GLI3: variants seen among roughly 807,000 people sequenced by gnomAD.
GLI3 encodes GLI family zinc finger 3.
Under a neutral mutation model 100.8 loss-of-function variants are expected in GLI3, and 20 were observed. The observed-to-expected ratio is 0.20, with a 90% CI of 0.14 to 0.29. The LOEUF (loss-of-function observed/expected upper bound fraction) is 0.29, where lower values mean the gene tolerates loss of function less well. Ranked by LOEUF, GLI3 falls within the 10% of genes least tolerant of loss-of-function variation. The pLI is 1.00. For synonymous variants in GLI3, 938 were observed against 860.5 expected (o/e 1.09, Z -1.58); for missense variants, 2,040 against 2,128.5 (o/e 0.96, Z 0.82).
chr7:42,123,518 T>G (rs1305696161), intron 3 of GLI3, among the ~76,000 whole-genome samples: 1 of 152,252 alleles, frequency 6.6e-6, no homozygotes, highest in Non-Finnish European at 1.5e-5. Context: ...ATTATACAAA[T>G]TATCCTTACT....
chr7:42,253,009 C>T (rs538291480), intron 1 of GLI3, among the ~76,000 whole-genome samples: 38 of 148,764 alleles, frequency 2.6e-4, no homozygotes, highest in African/African-American at 7.0e-4. Flanking sequence ...AAGGTGGAAA[C>T]GAGAAAGGAT....
chr7:42,017,790 C>T (rs1160092018), intron 10 of GLI3, among the ~76,000 whole-genome samples: 1 of 152,170 alleles, frequency 6.6e-6, no homozygotes, highest in Non-Finnish European at 1.5e-5. Context: ...CCGACAGTGC[C>T]ACCGCATTCT....
intron 3 of GLI3, among the ~76,000 whole-genome samples, chr7:42,077,532 A>G (rs983996638): frequency 7.9e-5 from 12 of 152,102 alleles, no homozygotes; most frequent in African/African-American, 2.9e-4. Context: ...ACAGACATCT[A>G]GAGCCAAACT....
upstream of GLI3, among the ~76,000 whole-genome samples, chr7:42,237,267 A>G (rs1315137070): frequency 2.6e-5 from 4 of 151,154 alleles, no homozygotes; most frequent in African/African-American, 7.3e-5. Context: ...CAGCTCCGGC[A>G]TCAGTTTCGG....
intron 1 of GLI3, among the ~76,000 whole-genome samples, chr7:42,234,211 T>A (rs1393017041): frequency 6.6e-6 from 1 of 152,202 alleles, no homozygotes. Flanking sequence ...ACTGTCTCCA[T>A]GTAAGTGAGT....
chr7:42,252,919 G>T (rs1789048612), intron 1 of GLI3, among the ~76,000 whole-genome samples: 1 of 152,092 alleles, frequency 6.6e-6, no homozygotes, highest in South Asian at 2.1e-4. Context: ...CATTTAAAAT[G>T]TTTTATTTTG....
intron 2 of GLI3, among the ~76,000 whole-genome samples, chr7:42,222,170 ACT>A (rs1409255109): frequency 6.6e-6 from 1 of 152,138 alleles, no homozygotes; most frequent in African/African-American, 2.4e-5. Flanking sequence ...GGAGATTCTG[ACT>A]CTCTAGGTGG....
intron 3 of GLI3, among the ~76,000 whole-genome samples, chr7:42,092,819 T>TTATG (rs1245960966): frequency 4.1e-5 from 4 of 96,950 alleles, no homozygotes; most frequent in African/African-American, 1.4e-4. Context: ...ATTTATGTAT[T>TTATG]TATGTATTTA....
At chr7:41,987,089 GACACAGACACAGACACACAC>G (rs1017880248) in intron 10 of GLI3, among the ~76,000 whole-genome samples, 2 of 76,108 alleles carry the variant, frequency 2.6e-5, no homozygotes, top group African/African-American at 9.9e-5. Flanking sequence ...AACATACACA[GACACAGACACAGACACACAC>G]ACACACACAC....
intron 3 of GLI3, among the ~76,000 whole-genome samples, chr7:42,135,527 T>C (rs1025710669): frequency 2.0e-5 from 3 of 152,218 alleles, no homozygotes; most frequent in African/African-American, 7.2e-5. Flanking sequence ...CAGTCCTACT[T>C]GCAGGTCCCA....
intron 13 of GLI3, among the ~76,000 whole-genome samples, chr7:41,969,837 G>A (rs951519046): frequency 2.0e-5 from 3 of 152,188 alleles, no homozygotes; most frequent in Non-Finnish European, 4.4e-5. Flanking sequence ...CAAAGAAGGT[G>A]GTGCACATCT....
intron 3 of GLI3, among the ~76,000 whole-genome samples, chr7:42,093,345 C>G (rs1785268532): frequency 6.7e-6 from 1 of 149,416 alleles, no homozygotes; most frequent in South Asian, 2.1e-4. Context: ...CCCTATTGCA[C>G]TCCAGCCTGG....
At chr7:42,064,081 A>G (rs533845513) in intron 4 of GLI3, among the ~76,000 whole-genome samples, 1 of 152,288 alleles carries the variant, frequency 6.6e-6, no homozygotes, top group African/African-American at 2.4e-5. Context: ...CAGTATACAC[A>G]AAGTGTCACT....
upstream of GLI3, among the ~76,000 whole-genome samples, chr7:42,241,685 G>A (rs1196769408): frequency 6.6e-6 from 1 of 152,188 alleles, no homozygotes; most frequent in East Asian, 1.9e-4. Flanking sequence ...ATGTAACCCA[G>A]ATGTCTGCTG....
chr7:42,212,147 A>G (rs1375365249), intron 2 of GLI3, among the ~76,000 whole-genome samples: 2 of 151,922 alleles, frequency 1.3e-5, no homozygotes, highest in African/African-American at 2.4e-5. Flanking sequence ...GTCTTTCCCA[A>G]TTGTAAGACT....
At chr7:42,072,048 G>A (rs1399817195) in intron 4 of GLI3, among the ~76,000 whole-genome samples, 1 of 152,168 alleles carries the variant, frequency 6.6e-6, no homozygotes, top group African/African-American at 2.4e-5. Context: ...AGAAAAGCTG[G>A]TTTTCGAAAG....
At chr7:42,213,167 C>T (rs756896893) in intron 2 of GLI3, among the ~76,000 whole-genome samples, 4 of 152,148 alleles carry the variant, frequency 2.6e-5, no homozygotes, top group Non-Finnish European at 5.9e-5. Context: ...CAGAACTTCC[C>T]CTTCTACTTC....
At chr7:42,222,987 T>TC (rs1327260384) in intron 2 of GLI3, 143 bp downstream of exon 2, 10 of 765,714 alleles carry the variant, frequency 1.3e-5, no homozygotes, top group South Asian at 4.1e-5. Flanking sequence ...CCCCCCGCCG[T>TC]CCCCCCGCCC....
chr7:42,207,992 T>C (rs1788188906), intron 2 of GLI3, among the ~76,000 whole-genome samples: 1 of 152,138 alleles, frequency 6.6e-6, no homozygotes, highest in South Asian at 2.1e-4. Context: ...ACCCCGTCTC[T>C]ACTAAAAAAT....
Sources: gnomAD v4.1 joint callset for allele counts (sites outside exome capture counted in the v4.1 genomes callset) on GRCh38, gnomAD v4.1.1 for gene constraint, MANE v1.5 for transcripts, NCBI Gene and HGNC (gene_info 2026-07-23, HGNC 2026-07-21) for gene names.